ZFPM2: variants seen among roughly 807,000 people sequenced by gnomAD.
ZFPM2 encodes the protein zinc finger protein ZFPM2.
Under a neutral mutation model 98.6 loss-of-function variants are expected in ZFPM2, and 20 were observed. The ratio of observed to expected loss-of-function variants is 0.20; its 90% CI spans 0.14 to 0.29. The LOEUF is 0.29. Ranked by LOEUF, ZFPM2 falls within the 10% of genes least tolerant of loss-of-function variation. The pLI is 1.00. For synonymous variants in ZFPM2, 518 were observed against 502.7 expected (o/e 1.03, Z -0.41); for missense variants, 1,310 against 1,388.6 (o/e 0.94, Z 0.90).
intron 3 of ZFPM2, among the ~76,000 whole-genome samples, chr8:105,505,881 A>G (rs143661297): frequency 6.6e-6 from 1 of 152,310 alleles, no homozygotes; most frequent in African/African-American, 2.4e-5. Flanking sequence ...AAATGTATGA[A>G]GAATATTTTA....
intron 3 of ZFPM2, among the ~76,000 whole-genome samples, chr8:105,505,278 C>T (rs1206669378): frequency 6.6e-6 from 1 of 152,126 alleles, no homozygotes; most frequent in Non-Finnish European, 1.5e-5. Context: ...TAAATGGTTA[C>T]TAGTACTACT....
chr8:105,393,330 CTCTT>C (rs1186240987), intron 1 of ZFPM2, among the ~76,000 whole-genome samples: 1,873 of 132,902 alleles, frequency 0.014, 43 homozygotes, highest in African/African-American at 0.018. Flanking sequence ...CCCTCTCTCT[CTCTT>C]TGCCTTTCTT....
chr8:105,542,800 G>T (rs1420908838), intron 3 of ZFPM2, among the ~76,000 whole-genome samples: 6 of 152,216 alleles, frequency 3.9e-5, no homozygotes, highest in Admixed American at 2.0e-4. Context: ...CCCCACAATG[G>T]TTACCAATTT....
chr8:105,519,933 C>T (rs1403889775), intron 3 of ZFPM2, among the ~76,000 whole-genome samples: 1 of 151,826 alleles, frequency 6.6e-6, no homozygotes, highest in Non-Finnish European at 1.5e-5. Context: ...TATGAGAATG[C>T]CTGTAGGAAA....
intron 3 of ZFPM2, among the ~76,000 whole-genome samples, chr8:105,529,172 TTTC>T (rs1322529974): frequency 1.3e-5 from 2 of 152,154 alleles, no homozygotes; most frequent in Non-Finnish European, 2.9e-5. Context: ...TCATATGGCC[TTTC>T]TTCTGTGTGT....
In ZFPM2 at chr8:105,589,691, T is replaced by A. The variant is rs377357273; in HGVS notation, c.420+28210T>A. On this transcript the variant is annotated intron_variant, in intron 4 of 7. Coordinates refer to ENST00000407775, the MANE Select transcript of ZFPM2 (RefSeq NM_012082.4). ...TACACTTTCCACTGTGCCAGTCATATTCTCTTCATTTTTGGCACTTTCTCT... is the reference window on the plus strand; with the variant it reads ...TACACTTTCCACTGTGCCAGTCATAATCTCTTCATTTTTGGCACTTTCTCT... Among the ~76,000 whole-genome samples the A allele has an allele frequency of 3.9e-5, 6 of 152,268 alleles. No homozygotes were observed. The East Asian group carries it at 9.7e-4, about 25-fold the overall frequency.
At chr8:105,556,359 A>C (rs1376086469) in intron 3 of ZFPM2, among the ~76,000 whole-genome samples, 1 of 152,184 alleles carries the variant, frequency 6.6e-6, no homozygotes, top group South Asian at 2.1e-4. Context: ...GTATATGGAC[A>C]TGCTCTTAGA....
At chr8:105,683,617 A>G (rs1343077935) in intron 5 of ZFPM2, among the ~76,000 whole-genome samples, 1 of 152,076 alleles carries the variant, frequency 6.6e-6, no homozygotes, top group East Asian at 1.9e-4. Flanking sequence ...CTTCTTTGCC[A>G]TGTCTTATTA....
At position 105,321,724 on chromosome 8, in the gene ZFPM2, G is replaced by A. The variant is rs562953190; in HGVS notation, c.40+2743G>A. Among the ~76,000 whole-genome samples the A allele has an allele frequency of 1.4e-3, 211 of 152,228 alleles. 1 individual carries two copies. The highest frequency in any genetic ancestry group is 0.014 in the Middle Eastern group (4 of 294). On this transcript the variant is annotated intron_variant, in intron 1 of 7. Transcript: ENST00000407775. Reference sequence around the variant, plus strand: ...CGGGCAGCGATAAAAAGGCGACGCTGAAAGAGCACCATTAATTTGCTATGA... The same window carrying A: ...CGGGCAGCGATAAAAAGGCGACGCTAAAAGAGCACCATTAATTTGCTATGA...
At chr8:105,746,992 G>C (rs1812363505) in intron 5 of ZFPM2, among the ~76,000 whole-genome samples, 1 of 151,920 alleles carries the variant, frequency 6.6e-6, no homozygotes, top group South Asian at 2.1e-4. Context: ...GAACTCAGAG[G>C]GTCTGTAACA....
intron 2 of ZFPM2, among the ~76,000 whole-genome samples, chr8:105,427,450 C>A (rs1463443324): frequency 1.3e-5 from 2 of 152,180 alleles, no homozygotes; most frequent in Non-Finnish European, 2.9e-5. Context: ...CTCAACTGTG[C>A]AGTCTGCTAA....
intron 4 of ZFPM2, among the ~76,000 whole-genome samples, chr8:105,587,003 A>G (rs1248627093): frequency 6.6e-6 from 1 of 151,648 alleles, no homozygotes; most frequent in East Asian, 2.0e-4. Context: ...TTGGCCAGGC[A>G]CGGTGGCTCA....
At chr8:105,653,195 A>G (rs1817214171) in intron 5 of ZFPM2, among the ~76,000 whole-genome samples, 1 of 152,226 alleles carries the variant, frequency 6.6e-6, no homozygotes. Context: ...GGCTTTAAAC[A>G]TCACTGTTTA....
intron 5 of ZFPM2, chr8:105,678,655 A>G (rs529547079): frequency 6.6e-6 from 1 of 152,330 alleles, no homozygotes; most frequent in South Asian, 2.1e-4. Context: ...GGTAATTTTA[A>G]CTGGAAATTG....
At chr8:105,536,627 C>T (rs1814458921) in intron 3 of ZFPM2, among the ~76,000 whole-genome samples, 1 of 151,910 alleles carries the variant, frequency 6.6e-6, no homozygotes, top group African/African-American at 2.4e-5. Context: ...ACACAGGACA[C>T]ATTGTTGGCT....
chr8:105,645,789 T>A (rs1586170907), intron 5 of ZFPM2, among the ~76,000 whole-genome samples: 1 of 152,080 alleles, frequency 6.6e-6, no homozygotes, highest in Non-Finnish European at 1.5e-5. Context: ...CATGGTGGCT[T>A]ATGCCTGTAA....
At chr8:105,351,594 T>C (rs1237530515) in intron 1 of ZFPM2, among the ~76,000 whole-genome samples, 1 of 152,166 alleles carries the variant, frequency 6.6e-6, no homozygotes, top group African/African-American at 2.4e-5. Flanking sequence ...GTTCTCCTGA[T>C]TTGCTTGAGC....
At chr8:105,569,680 A>G (rs749720719) in intron 4 of ZFPM2, among the ~76,000 whole-genome samples, 1 of 152,160 alleles carries the variant, frequency 6.6e-6, no homozygotes, top group Non-Finnish European at 1.5e-5. Flanking sequence ...TAGTGAGGCA[A>G]TTATGATTTG....
intron 5 of ZFPM2, among the ~76,000 whole-genome samples, chr8:105,765,259 C>T (rs1165382413): frequency 6.6e-6 from 1 of 151,622 alleles, no homozygotes; most frequent in Non-Finnish European, 1.5e-5. Flanking sequence ...TGTAAAATAG[C>T]ACAAATACTA....
Sources: allele counts gnomAD v4.1 joint callset (sites outside exome capture counted in the v4.1 genomes callset), GRCh38; gene constraint gnomAD v4.1.1; transcripts MANE v1.5; gene names NCBI Gene and HGNC (gene_info 2026-07-23, HGNC 2026-07-21).